Variants in WDR82 observed in about 807,000 individuals in gnomAD.
WDR82 encodes the protein WD repeat domain 82.
Under a neutral mutation model 36.1 loss-of-function variants are expected in WDR82, and 8 were observed. The ratio of observed to expected loss-of-function variants is 0.22; its 90% CI spans 0.13 to 0.40. WDR82 has a LOEUF of 0.40. WDR82 is among the 10% of genes least tolerant of loss of function. WDR82 has a pLI of 1.00. For missense variants in WDR82, 185 were observed against 400.5 expected (o/e 0.46, Z 4.59); for synonymous variants, 129 against 137.8 (o/e 0.94, Z 0.45).
chr3:52,266,249 A>G (rs1006642054), intron 3 of WDR82, among the ~76,000 whole-genome samples: 4 of 152,164 alleles, frequency 2.6e-5, no homozygotes, highest in African/African-American at 4.8e-5. Flanking sequence ...AAGGCCTCAT[A>G]AACACAAACA....
intron 1 of WDR82, among the ~76,000 whole-genome samples, chr3:52,271,796 A>C (rs1700156833): frequency 6.6e-6 from 1 of 152,236 alleles, no homozygotes; most frequent in African/African-American, 2.4e-5. Context: ...CTTTAAAGCA[A>C]AATCACACAT....
intron 1 of WDR82, among the ~76,000 whole-genome samples, chr3:52,273,385 C>T (rs922373036): frequency 3.5e-5 from 5 of 142,122 alleles, no homozygotes; most frequent in African/African-American, 5.0e-5. Flanking sequence ...GAGCCAAGAT[C>T]GCGCCATTGT....
chr3:52,276,013 T>C (rs1292094861), intron 1 of WDR82, among the ~76,000 whole-genome samples: 1 of 152,118 alleles, frequency 6.6e-6, no homozygotes, highest in African/African-American at 2.4e-5. Flanking sequence ...ATGCAGAAAA[T>C]GTAACCAGTT....
chr3:52,261,631 C>A, intron 3 of WDR82, 152 bp from the exon 4 acceptor site: 1 of 544,702 alleles, frequency 1.8e-6, no homozygotes, highest in Non-Finnish European at 3.2e-6. Flanking sequence ...ATACCACAAC[C>A]ATATCTGGAA....
intron 7 of WDR82, 99 bp from the exon 8 acceptor site, chr3:52,258,777 T>C (rs972482178): frequency 3.9e-6 from 6 of 1,543,158 alleles, no homozygotes; most frequent in Admixed American, 3.7e-5. Context: ...CGCCAAGCTT[T>C]AGGACCCATC....
rs1387184847 is a variant in WDR82 at position 52,256,321 on chromosome 3, T to C, written c.*1169A>G. On this transcript the variant is annotated 3_prime_UTR_variant, in exon 9 of 9. Transcript: ENST00000296490. ...GACTCCATCTGCTTCAGCTGAACTCTTGGAAACTACAGATGAGAGATATAT... is the reference window on the plus strand; with the variant it reads ...GACTCCATCTGCTTCAGCTGAACTCCTGGAAACTACAGATGAGAGATATAT... 1 of 153,814 alleles carries C rather than the reference T, an allele frequency of 6.5e-6. No individual in the cohort carries two copies. Among genetic ancestry groups the C allele is most frequent in the East Asian group, 1.9e-4 (1 of 5,200 alleles). The allele number at this position is 153,814 out of a possible 1,614,324, so 9.5% of individuals were successfully genotyped here.
At chr3:52,271,538 C>G (rs1700153821) in intron 1 of WDR82, among the ~76,000 whole-genome samples, 1 of 151,668 alleles carries the variant, frequency 6.6e-6, no homozygotes, top group South Asian at 2.1e-4. Context: ...ATGTCAAACC[C>G]AAGAGGCCAA....
intron 1 of WDR82, among the ~76,000 whole-genome samples, chr3:52,271,819 G>A (rs1308693397): frequency 6.6e-6 from 1 of 152,198 alleles, no homozygotes; most frequent in Admixed American, 6.5e-5. Flanking sequence ...CTGGCCACAA[G>A]GTGGTGGCTC....
intron 1 of WDR82, among the ~76,000 whole-genome samples, chr3:52,277,546 TG>T (rs1452328450): frequency 6.6e-6 from 1 of 152,170 alleles, no homozygotes; most frequent in Admixed American, 6.5e-5. Flanking sequence ...AAGTTTTAGA[TG>T]TTGCTGAAAA....
chr3:52,276,203 G>C (rs1443769454), intron 1 of WDR82, among the ~76,000 whole-genome samples: 1 of 152,166 alleles, frequency 6.6e-6, no homozygotes, highest in Non-Finnish European at 1.5e-5. Context: ...GAAGGCCAAG[G>C]CGGGTGGATC....
At chr3:52,267,872 A>T (rs551660515) in intron 2 of WDR82, 1 of 155,824 alleles carries the variant, frequency 6.4e-6, no homozygotes, top group African/African-American at 2.4e-5. Context: ...ATAAGGAAAA[A>T]TTGTTGAGAA....
intron 1 of WDR82, among the ~76,000 whole-genome samples, chr3:52,275,341 T>G (rs1031745825): frequency 6.6e-6 from 1 of 152,230 alleles, no homozygotes; most frequent in Non-Finnish European, 1.5e-5. Flanking sequence ...TTGCCTAGAA[T>G]GGAAACTAAA....
chr3:52,277,065 A>AAATAATAATAATAATAAT (rs71084177), intron 1 of WDR82, among the ~76,000 whole-genome samples: 5 of 141,022 alleles, frequency 3.5e-5, no homozygotes, highest in Admixed American at 1.4e-4. Flanking sequence ...CCAAGATCTC[A>AAATAATAATAATAATAAT]AATAATAATA....
chr3:52,273,102 T>C (rs1311022453), intron 1 of WDR82, among the ~76,000 whole-genome samples: 3 of 152,152 alleles, frequency 2.0e-5, no homozygotes, highest in Non-Finnish European at 2.9e-5. Flanking sequence ...GTGGAAGAAG[T>C]TTATATCAGT....
intron 8 of WDR82, among the ~76,000 whole-genome samples, chr3:52,257,910 C>T (rs1700027708): frequency 6.6e-6 from 1 of 151,752 alleles, no homozygotes; most frequent in South Asian, 2.1e-4. Flanking sequence ...GATGGTTTTG[C>T]TGTATTTTTT....
At chr3:52,260,652 G>A in intron 4 of WDR82, 151 bp from the exon 5 acceptor site, 2 of 452,804 alleles carry the variant, frequency 4.4e-6, no homozygotes, top group Non-Finnish European at 8.0e-6. Flanking sequence ...ACTAAGAAAG[G>A]CATACAAACA....
rs1400842879 is a variant in WDR82, at chr3:52,261,369, G to A, written c.426+11C>T. 2 of 1,606,670 alleles carry A rather than the reference G, an allele frequency of 1.2e-6. No homozygotes were observed. The highest frequency in any genetic ancestry group is 1.1e-5 in the South Asian group (1 of 90,194). On this transcript the variant is annotated intron_variant, in intron 4 of 8. Transcript: ENST00000296490. ...AAATGCTCAAAAAGTATAACTGTGA[G>A]GTACCATTACCTGGCAGTTAGGAGA...
Position 52,259,705 on chromosome 3 carries a change from C to CT in WDR82, c.699+11dup, listed in dbSNP as rs745443037. 1.2e-6 allele frequency: 2 copies of CT among 1,607,844 alleles called. No individual in the cohort carries two copies. Among genetic ancestry groups the CT allele is most frequent in the Non-Finnish European group, 1.7e-6 (2 of 1,176,142 alleles). On this transcript the variant is annotated intron_variant, in intron 6 of 8. Coordinates refer to ENST00000296490, the MANE Select transcript of WDR82 (RefSeq NM_025222.4). ...GCATGGAAACAGCCATGCTTGAAGG[C>CT]TGTCAGCTCACCCCAAATGTGTGCA...
chr3:52,260,178 A>C (rs972499186), intron 5 of WDR82, among the ~76,000 whole-genome samples: 1 of 152,180 alleles, frequency 6.6e-6, no homozygotes, highest in Non-Finnish European at 1.5e-5. Flanking sequence ...AAATACAAAA[A>C]ATTAGCCAGG....
Sources: allele counts gnomAD v4.1 joint callset (sites outside exome capture counted in the v4.1 genomes callset), GRCh38; gene constraint gnomAD v4.1.1; transcripts MANE v1.5; gene names NCBI Gene and HGNC (gene_info 2026-07-23, HGNC 2026-07-21).